The following CADM2 variants were observed in gnomAD, a reference collection of about 807,000 sequenced individuals.
The protein encoded by CADM2 is cell adhesion molecule 2.
CADM2 carries 12 observed loss-of-function variants against 49.8 expected under a neutral mutation model. That is an observed-to-expected ratio of 0.24 (90% CI 0.15 to 0.39). The LOEUF (loss-of-function observed/expected upper bound fraction) is 0.39. Among genes scored for constraint, CADM2 ranks in the 10% least tolerant of loss-of-function variants. The pLI is 1.00. For synonymous variants in CADM2, 214 were observed against 175.4 expected, an observed-to-expected ratio of 1.22 and a Z score of -1.74; for missense variants, 378 against 492.3, an observed-to-expected ratio of 0.77 and a Z score of 2.20.
At chr3:85,344,379 C>CT (rs1489838200) in intron 1 of CADM2, among the ~76,000 whole-genome samples, 33 of 78,558 alleles carry the variant, frequency 4.2e-4, no homozygotes, top group Non-Finnish European at 2.5e-4. Flanking sequence ...GACACCATCT[C>CT]AAAATAAATA....
intron 2 of CADM2, among the ~76,000 whole-genome samples, chr3:85,778,573 C>T (rs201993297): frequency 6.6e-6 from 1 of 152,096 alleles, no homozygotes; most frequent in Non-Finnish European, 1.5e-5. Context: ...GAAGGTTTCT[C>T]CTTTGCCTTC....
chr3:85,836,526 GTT>G (rs949697376), intron 3 of CADM2, among the ~76,000 whole-genome samples: 2 of 151,602 alleles, frequency 1.3e-5, no homozygotes, highest in Non-Finnish European at 3.0e-5. Context: ...TACTCTCTGT[GTT>G]TGAGAGCAGT....
At chr3:85,073,403 CATACAGT>C (rs2036829149) in intron 1 of CADM2, among the ~76,000 whole-genome samples, 1 of 152,090 alleles carries the variant, frequency 6.6e-6, no homozygotes, top group Non-Finnish European at 1.5e-5. Context: ...CTACAATGTA[CATACAGT>C]ATACATCTAT....
intron 3 of CADM2, among the ~76,000 whole-genome samples, chr3:85,873,855 T>C (rs1265617156): frequency 6.6e-6 from 1 of 152,086 alleles, no homozygotes; most frequent in East Asian, 1.9e-4. Context: ...TAATATTTTA[T>C]TTGTGGAAAA....
At position 85,753,573 on chromosome 3, in the gene CADM2, G is replaced by T. The variant is rs74977119; in HGVS notation, c.88+27025G>T. 2.5e-3 allele frequency among the ~76,000 whole-genome samples: 382 copies of T among 152,242 alleles called. 2 individuals carry two copies. The highest frequency in any genetic ancestry group is 8.9e-3 in the African/African-American group (368 of 41,560). On this transcript the variant is annotated intron_variant, in intron 2 of 9. Coordinates refer to ENST00000383699, the MANE Select transcript of CADM2 (RefSeq NM_001167675.2). ...TGTACCTGTTGGCATCACATAAGAA[G>T]TCGGTCTACTTCTAGTCTACCTTCT...
At chr3:85,895,775 A>G (rs1385485480) in intron 5 of CADM2, among the ~76,000 whole-genome samples, 1 of 151,590 alleles carries the variant, frequency 6.6e-6, no homozygotes, top group Non-Finnish European at 1.5e-5. Flanking sequence ...TCCCCTGCAC[A>G]CTCTCTCTTG....
intron 8 of CADM2, among the ~76,000 whole-genome samples, chr3:85,989,603 C>T (rs1394499099): frequency 1.3e-5 from 2 of 152,112 alleles, no homozygotes; most frequent in Non-Finnish European, 1.5e-5. Flanking sequence ...GAAGGAAGAA[C>T]AGAGATACGT....
At chr3:85,242,178 C>A (rs2042546769) in intron 1 of CADM2, among the ~76,000 whole-genome samples, 1 of 151,012 alleles carries the variant, frequency 6.6e-6, no homozygotes, top group Admixed American at 6.6e-5. Flanking sequence ...TCTACTTAGA[C>A]TCTATGAGTA....
chr3:85,847,954 G>C (rs1421645936), intron 3 of CADM2, among the ~76,000 whole-genome samples: 1 of 151,848 alleles, frequency 6.6e-6, no homozygotes, highest in Non-Finnish European at 1.5e-5. Flanking sequence ...TAATTTATTA[G>C]TTATTTGATA....
chr3:85,968,890 G>A (rs1279746629), intron 8 of CADM2, among the ~76,000 whole-genome samples: 1 of 151,652 alleles, frequency 6.6e-6, no homozygotes, highest in Admixed American at 6.6e-5. Flanking sequence ...CATAAAACCT[G>A]CTTTGTAGCT....
In CADM2 at chr3:85,883,316, G is replaced by T. The variant is rs1186619151; in HGVS notation, c.264G>T (p.Leu88=). 1.2e-6 allele frequency: 2 copies of T among 1,613,492 alleles called. No homozygotes were observed. The highest frequency in any genetic ancestry group is 2.7e-5 in the African/African-American group (2 of 75,012). ...CTTTAAGGGACAATAGGATCGAGCTGGTTCGCGCTTCCTGGCATGAATTGA... is the reference window on the plus strand; with the variant it reads ...CTTTAAGGGACAATAGGATCGAGCTTGTTCGCGCTTCCTGGCATGAATTGA... ...KKALRDNRIE[L]VRASWHELSI... is the part of the protein sequence containing the mutation. The change falls in exon 4 of 10, where the codon CTG becomes CTT. Residue 88 remains leucine (L), a synonymous_variant. Coordinates refer to ENST00000383699, the MANE Select transcript of CADM2 (RefSeq NM_001167675.2).
chr3:85,377,314 C>T (rs1037515909), intron 1 of CADM2, among the ~76,000 whole-genome samples: 1 of 152,048 alleles, frequency 6.6e-6, no homozygotes, highest in African/African-American at 2.4e-5. Flanking sequence ...TTAGTGTCTA[C>T]AGAAGCAGTT....
intron 2 of CADM2, among the ~76,000 whole-genome samples, chr3:85,771,504 C>G (rs182773164): frequency 3.3e-5 from 5 of 152,032 alleles, no homozygotes; most frequent in Non-Finnish European, 7.4e-5. Flanking sequence ...ATTATTCGTA[C>G]TATACTTAAT....
intron 2 of CADM2, 55 bp from the exon 3 acceptor site, chr3:85,801,989 GGCA>G: frequency 7.1e-7 from 1 of 1,411,528 alleles, no homozygotes; most frequent in Non-Finnish European, 9.7e-7. Context: ...GTAGATCTTA[GGCA>G]GTTAATCATT....
intron 1 of CADM2, among the ~76,000 whole-genome samples, chr3:85,605,315 T>A (rs1451406586): frequency 6.6e-6 from 1 of 152,034 alleles, no homozygotes; most frequent in African/African-American, 2.4e-5. Flanking sequence ...ATGTTTGTAT[T>A]CTCCAGACTT....
chr3:85,966,583 T>C (rs2108629441), intron 8 of CADM2, among the ~76,000 whole-genome samples: 1 of 151,742 alleles, frequency 6.6e-6, no homozygotes, highest in Middle Eastern at 3.4e-3. Context: ...TCTTTACATG[T>C]ATGTATTTTG....
intron 2 of CADM2, among the ~76,000 whole-genome samples, chr3:85,798,881 T>C (rs1263785416): frequency 6.6e-6 from 1 of 152,162 alleles, no homozygotes. Context: ...ATTTTCACAA[T>C]ATTGATTCTT....
chr3:85,190,986 T>A (rs1559711908), intron 1 of CADM2, among the ~76,000 whole-genome samples: 1 of 152,106 alleles, frequency 6.6e-6, no homozygotes, highest in Admixed American at 6.6e-5. Context: ...GTATAGCAAC[T>A]TTTTTATTTC....
chr3:85,313,139 A>C (rs947733763), intron 1 of CADM2, among the ~76,000 whole-genome samples: 1 of 152,186 alleles, frequency 6.6e-6, no homozygotes, highest in Non-Finnish European at 1.5e-5. Context: ...ACTGTGTGCT[A>C]ATGAGGAGAA....
Sources: allele counts gnomAD v4.1 joint callset (sites outside exome capture counted in the v4.1 genomes callset), GRCh38; gene constraint gnomAD v4.1.1; transcripts MANE v1.5; gene names NCBI Gene and HGNC (gene_info 2026-07-23, HGNC 2026-07-21).